EML6: variants seen among roughly 807,000 people sequenced by gnomAD.
EML6 encodes the protein echinoderm microtubule-associated protein-like 6.
Under a neutral mutation model 240.1 loss-of-function variants are expected in EML6, and 154 were observed. The observed-to-expected ratio is 0.64, with a 90% CI of 0.56 to 0.73. The LOEUF is 0.73. Among genes scored for constraint, EML6 ranks in the 30% least tolerant of loss-of-function variants. The probability of loss-of-function intolerance (pLI) is 0.00; values close to 1 mark genes in which losing one functional copy is unlikely to be tolerated. For missense variants in EML6, 2,964 were observed against 2,474.6 expected, an observed-to-expected ratio of 1.20 and a Z score of -4.20; for synonymous variants, 1,148 against 899.0, an observed-to-expected ratio of 1.28 and a Z score of -4.95.
At chr2:54,886,433 G>A (rs1185351757) in intron 17 of EML6, among the ~76,000 whole-genome samples, 2 of 152,126 alleles carry the variant, frequency 1.3e-5, no homozygotes, top group African/African-American at 4.8e-5. Flanking sequence ...GCCCCCCAGA[G>A]TGTTGGGATT....
At chr2:54,905,020 T>C (rs1166130816) in intron 24 of EML6, among the ~76,000 whole-genome samples, 1 of 152,130 alleles carries the variant, frequency 6.6e-6, no homozygotes, top group Non-Finnish European at 1.5e-5. Flanking sequence ...ATGTGATGCA[T>C]TGCATTTATA....
intron 7 of EML6, among the ~76,000 whole-genome samples, chr2:54,833,790 G>A (rs1029924780): frequency 1.3e-5 from 2 of 152,190 alleles, no homozygotes; most frequent in African/African-American, 4.8e-5. Flanking sequence ...AACAACACAA[G>A]ATGATATAAA....
chr2:54,916,051 T>C (rs1273424754), intron 25 of EML6, among the ~76,000 whole-genome samples: 1 of 152,220 alleles, frequency 6.6e-6, no homozygotes, highest in Non-Finnish European at 1.5e-5. Flanking sequence ...AAAACAGTTT[T>C]AAAGGATAAA....
At chr2:54,843,052 T>C (rs1669546791) in intron 7 of EML6, among the ~76,000 whole-genome samples, 3 of 152,240 alleles carry the variant, frequency 2.0e-5, no homozygotes, top group Admixed American at 1.3e-4. Context: ...TCAGCTGTTC[T>C]GTAGTGTCAC....
At chr2:54,786,862 T>C (rs1669123038) in intron 2 of EML6, among the ~76,000 whole-genome samples, 1 of 152,218 alleles carries the variant, frequency 6.6e-6, no homozygotes, top group Non-Finnish European at 1.5e-5. Flanking sequence ...AAGTGAAACT[T>C]GTTAAACATA....
At chr2:54,759,507 C>T (rs898236165) in intron 2 of EML6, among the ~76,000 whole-genome samples, 8 of 152,014 alleles carry the variant, frequency 5.3e-5, no homozygotes, top group African/African-American at 1.7e-4. Context: ...GCTGACTAAA[C>T]GCATAGTAAC....
Position 54,741,390 on chromosome 2 carries a change from A to G in EML6, c.197+16132A>G, listed in dbSNP as rs185449252. On this transcript the variant is annotated intron_variant, in intron 2 of 41. Coordinates refer to ENST00000356458, the MANE Select transcript of EML6 (RefSeq NM_001039753.4). ...TCAGTAGGTATAGGTGTGAGGCCCCAAAATCTGCATTTAAAAAGTTGCCAT... is the reference window on the plus strand; with the variant it reads ...TCAGTAGGTATAGGTGTGAGGCCCCGAAATCTGCATTTAAAAAGTTGCCAT... 1.4e-3 allele frequency among the ~76,000 whole-genome samples: 215 copies of G among 152,322 alleles called. 1 individual carries two copies. Among genetic ancestry groups the G allele is most frequent in the African/African-American group, 5.0e-3 (206 of 41,564 alleles).
At chr2:54,911,230 C>T (rs980545578) in intron 25 of EML6, among the ~76,000 whole-genome samples, 188 bp downstream of exon 25, 3 of 152,174 alleles carry the variant, frequency 2.0e-5, no homozygotes, top group African/African-American at 7.2e-5. Flanking sequence ...TATCACACCA[C>T]TGGTGTAGCA....
At chr2:54,819,763 G>C (rs1489641125) in intron 4 of EML6, among the ~76,000 whole-genome samples, 2 of 118,496 alleles carry the variant, frequency 1.7e-5, no homozygotes, top group Non-Finnish European at 3.4e-5. Flanking sequence ...GACGGAGCGA[G>C]ACTGTCTCAG....
At chr2:54,847,813 T>C (rs1669852012) in intron 9 of EML6, among the ~76,000 whole-genome samples, 190 bp downstream of exon 9, 1 of 152,206 alleles carries the variant, frequency 6.6e-6, no homozygotes, top group South Asian at 2.1e-4. Flanking sequence ...AATTATTTGA[T>C]AATTTGGCAG....
intron 26 of EML6, among the ~76,000 whole-genome samples, chr2:54,917,408 A>T (rs1180430050): frequency 1.5e-5 from 2 of 129,980 alleles, no homozygotes; most frequent in Non-Finnish European, 3.1e-5. Flanking sequence ...TCTTTTGCCC[A>T]GGCTGGAGTG....
Position 54,948,953 on chromosome 2 carries a change from T to G in EML6, c.4076T>G (p.Leu1359Arg). 6.5e-7 allele frequency: 1 copy of G among 1,549,654 alleles called. No individual in the cohort carries two copies. Among genetic ancestry groups the G allele is most frequent in the South Asian group, 1.2e-5 (1 of 84,024 alleles). ...AACAATATCACCAAAAAAAAGAAACTGGTTGAGGTGAGTTAAACAATCACT... is the reference window on the plus strand; with the variant it reads ...AACAATATCACCAAAAAAAAGAAACGGGTTGAGGTGAGTTAAACAATCACT... ...QKNNITKKKK[L>R]VEELALDHVF... The change falls in exon 29 of 42, where the codon CTG (leucine) becomes CGG (arginine). Residue 1359 changes from leucine to arginine, a missense_variant. Physicochemically the swap from Leu to Arg is moderately radical, Grantham distance 102 (BLOSUM62 -2). Coordinates refer to ENST00000356458, the MANE Select transcript of EML6 (RefSeq NM_001039753.4).
intron 7 of EML6, among the ~76,000 whole-genome samples, chr2:54,834,740 A>T (rs1669046028): frequency 6.6e-6 from 1 of 152,214 alleles, no homozygotes; most frequent in South Asian, 2.1e-4. Flanking sequence ...CAAGAATTAG[A>T]GGCCAAAGTT....
In EML6 at chr2:54,916,803, C is replaced by T; in HGVS notation, c.3543C>T (p.Pro1181=). Residue 1181 remains proline, a synonymous_variant, in exon 26 of 42, where the codon CCC becomes CCT. Transcript: ENST00000356458. Reference sequence around the variant, plus strand: ...ACACATGGACCTGTGTCCTGGGGCCCACCTGTGAGGGAATCTGGCCAGCAC... The same window carrying T: ...ACACATGGACCTGTGTCCTGGGGCCTACCTGTGAGGGAATCTGGCCAGCAC... ...EWDTWTCVLG[P]TCEGIWPAHS... is the part of the protein sequence containing the mutation. The T allele has an allele frequency of 1.3e-6, 2 of 1,544,412 alleles. No individual in the cohort carries two copies. The highest frequency in any genetic ancestry group is 2.5e-5 in the East Asian group (1 of 40,800).
intron 17 of EML6, among the ~76,000 whole-genome samples, chr2:54,883,555 C>T (rs1296551131): frequency 6.6e-6 from 1 of 152,164 alleles, no homozygotes; most frequent in African/African-American, 2.4e-5. Flanking sequence ...GAGGCTCCTT[C>T]CTTCGTGCTT....
At position 54,957,750 on chromosome 2, in the gene EML6, A is replaced by G. The variant is rs1384562679; in HGVS notation, c.4487-40A>G. Reference sequence around the variant, plus strand: ...TGCGGCTCCCCCGGCCTGGCCCATGAAGCAATGAGGAGCCTCACTGGACTC... The same window carrying G: ...TGCGGCTCCCCCGGCCTGGCCCATGGAGCAATGAGGAGCCTCACTGGACTC... On this transcript the variant is annotated intron_variant, in intron 32 of 41. Transcript: ENST00000356458. 3.2e-6 allele frequency: 5 copies of G among 1,539,190 alleles called. No homozygotes were observed. The Admixed American group carries it at 7.8e-5, about 24-fold the overall frequency.
At chr2:54,760,821 C>CTTTTTTTTTTT (rs1558530745) in intron 2 of EML6, among the ~76,000 whole-genome samples, 1 of 120,246 alleles carries the variant, frequency 8.3e-6, no homozygotes, top group African/African-American at 4.1e-5. Context: ...GTTGAGGGAG[C>CTTTTTTTTTTT]ATTTTTTTTT....
chr2:54,744,862 C>A (rs1430301345), intron 2 of EML6, among the ~76,000 whole-genome samples: 1 of 147,232 alleles, frequency 6.8e-6, no homozygotes, highest in African/African-American at 2.5e-5. Context: ...TTAGGTGCAA[C>A]TAGAAGGATG....
intron 2 of EML6, among the ~76,000 whole-genome samples, chr2:54,770,894 C>A (rs1019131065): frequency 6.6e-6 from 1 of 152,056 alleles, no homozygotes; most frequent in Non-Finnish European, 1.5e-5. Flanking sequence ...CCTTTCCTAC[C>A]CACAGTCACA....
Sources: allele counts gnomAD v4.1 joint callset (sites outside exome capture counted in the v4.1 genomes callset), GRCh38; gene constraint gnomAD v4.1.1; transcripts MANE v1.5; gene names NCBI Gene and HGNC (gene_info 2026-07-23, HGNC 2026-07-21).